CSMD1: variants seen among roughly 807,000 people sequenced by gnomAD.
CSMD1 encodes the protein CUB and sushi domain-containing protein 1.
Under a neutral mutation model 417.5 loss-of-function variants are expected in CSMD1, and 213 were observed. The observed-to-expected ratio is 0.51, with a 90% CI of 0.46 to 0.57. The LOEUF (loss-of-function observed/expected upper bound fraction) is 0.57. Among genes scored for constraint, CSMD1 ranks in the 20% least tolerant of loss-of-function variants. The probability of loss-of-function intolerance (pLI) is 0.00; values close to 1 mark genes in which losing one functional copy is unlikely to be tolerated. For missense variants in CSMD1, 6,923 were observed against 4,529.7 expected (o/e 1.53, Z -15.17); for synonymous variants, 2,862 against 1,736.8 (o/e 1.65, Z -16.11).
At chr8:4,869,892 T>C (rs943908761) in intron 1 of CSMD1, among the ~76,000 whole-genome samples, 1 of 152,078 alleles carries the variant, frequency 6.6e-6, no homozygotes, top group African/African-American at 2.4e-5. Flanking sequence ...AAGTTAATGT[T>C]AGATTTAAGA....
intron 1 of CSMD1, among the ~76,000 whole-genome samples, chr8:4,959,554 CG>C (rs1809339948): frequency 1.3e-5 from 2 of 152,236 alleles, no homozygotes; most frequent in African/African-American, 4.8e-5. Context: ...ACTCTGGTCA[CG>C]GCACTATAAT....
At chr8:3,609,811 CT>C (rs71534362) in intron 8 of CSMD1, among the ~76,000 whole-genome samples, 427 of 75,198 alleles carry the variant, frequency 5.7e-3, no homozygotes, top group African/African-American at 0.019. Flanking sequence ...AGTATCTTCC[CT>C]TTTTTTTTTT....
chr8:3,997,699 A>G (rs113347635), intron 5 of CSMD1, among the ~76,000 whole-genome samples: 58 of 152,308 alleles, frequency 3.8e-4, no homozygotes, highest in African/African-American at 1.3e-3. Context: ...CCCGAGCTCC[A>G]AACACCAGCA....
chr8:3,197,753 C>G (rs1038216619), intron 33 of CSMD1, among the ~76,000 whole-genome samples: 1 of 152,138 alleles, frequency 6.6e-6, no homozygotes, highest in Non-Finnish European at 1.5e-5. Context: ...CTTGAGCCAC[C>G]GTGCCCGGCT....
Position 4,422,371 on chromosome 8 carries a change from A to G in CSMD1, c.303-2306T>C, listed in dbSNP as rs1258740002. Among the ~76,000 whole-genome samples the G allele has an allele frequency of 6.6e-5, 10 of 152,048 alleles. No individual in the cohort carries two copies. In the East Asian group the frequency reaches 1.9e-3, roughly 29 times the overall value. ...ATACTGAAGCCCCAACCCCCAACAT[A>G]ACTAGATTTGGAAATGGGGCTTTAC... On this transcript the variant is annotated intron_variant, in intron 2 of 69. Coordinates refer to ENST00000635120, the MANE Select transcript of CSMD1 (RefSeq NM_033225.6).
chr8:3,354,093 G>A (rs1343956809), intron 21 of CSMD1, among the ~76,000 whole-genome samples: 1 of 151,994 alleles, frequency 6.6e-6, no homozygotes, highest in Non-Finnish European at 1.5e-5. Context: ...TTCAATATTC[G>A]GCAAGGTCAT....
intron 1 of CSMD1, among the ~76,000 whole-genome samples, chr8:4,841,471 G>A (rs2118578): frequency 0.2 from 31,069 of 152,018 alleles, 3,689 homozygotes; most frequent in African/African-American, 0.33. Context: ...GAATAAACTA[G>A]CAAAGGAAAT....
At chr8:3,766,477 C>T (rs1871820) in intron 5 of CSMD1, among the ~76,000 whole-genome samples, 5 of 151,812 alleles carry the variant, frequency 3.3e-5, no homozygotes, top group African/African-American at 4.8e-5. Flanking sequence ...CTTGCCAACA[C>T]GAAGAAACAA....
chr8:4,298,770 T>G (rs1314834059), intron 3 of CSMD1, among the ~76,000 whole-genome samples: 1 of 152,104 alleles, frequency 6.6e-6, no homozygotes, highest in Non-Finnish European at 1.5e-5. Flanking sequence ...TTTGTGCTTT[T>G]GAATAAATTT....
chr8:4,670,569 A>C (rs989852011), intron 1 of CSMD1, among the ~76,000 whole-genome samples: 4 of 152,204 alleles, frequency 2.6e-5, no homozygotes, highest in Admixed American at 2.6e-4. Flanking sequence ...CTTAATATAA[A>C]AATAAAGCAC....
chr8:3,761,096 C>T (rs1408433853), intron 5 of CSMD1, among the ~76,000 whole-genome samples: 1 of 152,064 alleles, frequency 6.6e-6, no homozygotes, highest in Admixed American at 6.5e-5. Flanking sequence ...TTTGAATTGG[C>T]TGTTACTCAC....
chr8:4,240,164 C>A (rs1056057858), intron 3 of CSMD1, among the ~76,000 whole-genome samples: 18 of 152,098 alleles, frequency 1.2e-4, no homozygotes, highest in Admixed American at 9.8e-4. Context: ...CCCAGATTTC[C>A]AAATAAACAA....
chr8:3,591,805 ATGGATAGACAG>A (rs1030489172), intron 8 of CSMD1, among the ~76,000 whole-genome samples: 4 of 152,162 alleles, frequency 2.6e-5, no homozygotes, highest in African/African-American at 9.6e-5. Flanking sequence ...AGATGGAAAG[ATGGATAGACAG>A]TGGATGGATA....
chr8:3,493,618 C>T lies in CSMD1; in HGVS notation c.1448+5G>A. On this transcript the variant is annotated splice_donor_5th_base_variant and intron_variant, in intron 11 of 69. Transcript: ENST00000635120. ...AGAGAAGAAGAAGCTCAAGGACATACTCACACGTACAAGACCGATCTGGTG... is the reference window on the plus strand; with the variant it reads ...AGAGAAGAAGAAGCTCAAGGACATATTCACACGTACAAGACCGATCTGGTG... The T allele has an allele frequency of 6.2e-7, 1 of 1,603,958 alleles. No homozygotes were observed. The highest frequency in any genetic ancestry group is 8.5e-7 in the Non-Finnish European group (1 of 1,174,706).
chr8:3,296,930 G>A (rs542445878), intron 25 of CSMD1, among the ~76,000 whole-genome samples: 21 of 152,158 alleles, frequency 1.4e-4, no homozygotes, highest in Non-Finnish European at 1.0e-4. Context: ...GTTTCAGAGA[G>A]AAGTCAGAGT....
intron 3 of CSMD1, among the ~76,000 whole-genome samples, chr8:4,243,667 G>A (rs1802534110): frequency 2.0e-5 from 3 of 151,876 alleles, no homozygotes; most frequent in Admixed American, 2.0e-4. Context: ...GTGTGATATT[G>A]CAACTTAATT....
At chr8:3,359,418 G>C in intron 20 of CSMD1, 78 bp from the exon 21 acceptor site, 2 of 834,422 alleles carry the variant, frequency 2.4e-6, no homozygotes, top group Non-Finnish European at 1.7e-6. Context: ...AATAAAAAGT[G>C]CTATTACTAA....
At chr8:4,915,229 A>AC (rs201965613) in intron 1 of CSMD1, among the ~76,000 whole-genome samples, 4 of 152,162 alleles carry the variant, frequency 2.6e-5, no homozygotes, top group Non-Finnish European at 4.4e-5. Flanking sequence ...ACATATATAT[A>AC]AAATATGTAT....
intron 5 of CSMD1, among the ~76,000 whole-genome samples, chr8:3,898,743 C>G (rs1050684817): frequency 6.6e-6 from 1 of 152,146 alleles, no homozygotes; most frequent in South Asian, 2.1e-4. Flanking sequence ...TACTTTTCTG[C>G]TATTGAACCA....
Sources: gnomAD v4.1 joint callset for allele counts (sites outside exome capture counted in the v4.1 genomes callset) on GRCh38, gnomAD v4.1.1 for gene constraint, MANE v1.5 for transcripts, NCBI Gene and HGNC (gene_info 2026-07-23, HGNC 2026-07-21) for gene names.